The following FRMD4B variants were observed in gnomAD, a reference collection of about 807,000 sequenced individuals.
The protein encoded by FRMD4B is FERM domain containing 4B.
In FRMD4B, 74 loss-of-function variants were observed where a neutral mutation model predicts 141.5. That is an observed-to-expected ratio of 0.52 (90% CI 0.43 to 0.63). The LOEUF (loss-of-function observed/expected upper bound fraction) is 0.63. Among genes scored for constraint, FRMD4B ranks in the 30% least tolerant of loss-of-function variants. The pLI is 0.00. For missense variants in FRMD4B, 1,366 were observed against 1,253.4 expected (o/e 1.09, Z -1.36); for synonymous variants, 506 against 467.9 (o/e 1.08, Z -1.05).
chr3:69,487,546 G>T (rs1200815263), intron 1 of FRMD4B, among the ~76,000 whole-genome samples: 1 of 152,180 alleles, frequency 6.6e-6, no homozygotes, highest in African/African-American at 2.4e-5. Context: ...GAGGCAGGAG[G>T]AATGGAAAGC....
chr3:69,272,436 A>G (rs1314138657), intron 5 of FRMD4B, among the ~76,000 whole-genome samples: 1 of 152,260 alleles, frequency 6.6e-6, no homozygotes, highest in Non-Finnish European at 1.5e-5. Flanking sequence ...CTGGGATTAC[A>G]GGCATAAGCC....
chr3:69,428,784 C>T (rs901627840), intron 2 of FRMD4B, among the ~76,000 whole-genome samples: 54 of 152,212 alleles, frequency 3.5e-4, no homozygotes, highest in African/African-American at 1.2e-3. Context: ...TCACTCTCAT[C>T]CTTCTCTAGA....
chr3:69,201,188 C>T (rs866639487), intron 11 of FRMD4B, among the ~76,000 whole-genome samples: 56 of 151,818 alleles, frequency 3.7e-4, no homozygotes, highest in African/African-American at 1.2e-3. Flanking sequence ...AAAGTTTGTG[C>T]AAAGTATGAT....
chr3:69,282,579 T>C (rs752173500), intron 5 of FRMD4B, among the ~76,000 whole-genome samples: 2 of 152,256 alleles, frequency 1.3e-5, no homozygotes, highest in Non-Finnish European at 2.9e-5. Context: ...AAAGCTGCTT[T>C]ATCCAAACAG....
chr3:69,328,223 G>T (rs1296691544), intron 1 of FRMD4B, among the ~76,000 whole-genome samples: 1 of 152,072 alleles, frequency 6.6e-6, no homozygotes, highest in African/African-American at 2.4e-5. Context: ...AAAAGCAAAG[G>T]TAATAAAACT....
At chr3:69,505,804 G>A (rs1321473856) in intron 1 of FRMD4B, among the ~76,000 whole-genome samples, 1 of 152,126 alleles carries the variant, frequency 6.6e-6, no homozygotes, top group Admixed American at 6.5e-5. Context: ...TCTTGGGGTG[G>A]CCTCCTGGGT....
chr3:69,256,298 G>C (rs950095071), intron 5 of FRMD4B, among the ~76,000 whole-genome samples: 1 of 152,146 alleles, frequency 6.6e-6, no homozygotes, highest in Non-Finnish European at 1.5e-5. Flanking sequence ...GGAATATGCT[G>C]GGTCAGACAA....
intron 1 of FRMD4B, among the ~76,000 whole-genome samples, chr3:69,346,896 A>G (rs1268337438): frequency 1.3e-5 from 2 of 152,238 alleles, no homozygotes; most frequent in African/African-American, 4.8e-5. Flanking sequence ...TGTAAAGACC[A>G]TCGAGGCTAG....
At chr3:69,252,274 A>G (rs558254143) in intron 5 of FRMD4B, among the ~76,000 whole-genome samples, 1 of 152,352 alleles carries the variant, frequency 6.6e-6, no homozygotes, top group South Asian at 2.1e-4. Flanking sequence ...TGAGGAACTG[A>G]GCAAGACAAG....
chr3:69,273,240 C>A (rs774564867), intron 5 of FRMD4B, among the ~76,000 whole-genome samples: 1 of 152,140 alleles, frequency 6.6e-6, no homozygotes, highest in Non-Finnish European at 1.5e-5. Context: ...TGGAGGCAAT[C>A]AAAATTTGAT....
At chr3:69,497,306 G>C (rs961672825) in intron 1 of FRMD4B, among the ~76,000 whole-genome samples, 1 of 152,158 alleles carries the variant, frequency 6.6e-6, no homozygotes, top group Admixed American at 6.5e-5. Context: ...GCATAACCTA[G>C]TAAAAGCTGA....
chr3:69,465,493 G>A (rs897848674), intron 1 of FRMD4B, among the ~76,000 whole-genome samples: 1 of 151,866 alleles, frequency 6.6e-6, no homozygotes, highest in Admixed American at 6.6e-5. Flanking sequence ...TGAACCCATC[G>A]ACTCATCATT....
intron 4 of FRMD4B, among the ~76,000 whole-genome samples, chr3:69,297,236 G>A (rs1469949769): frequency 6.6e-6 from 1 of 152,184 alleles, no homozygotes; most frequent in Admixed American, 6.5e-5. Flanking sequence ...ACCAGGCCAG[G>A]AGCGATGAGA....
At chr3:69,523,821 T>G (rs543432659) in intron 1 of FRMD4B, among the ~76,000 whole-genome samples, 1 of 152,290 alleles carries the variant, frequency 6.6e-6, no homozygotes, top group South Asian at 2.1e-4. Context: ...GAAAAAATGC[T>G]GACAATGAAG....
intron 1 of FRMD4B, among the ~76,000 whole-genome samples, chr3:69,350,230 T>A (rs189150160): frequency 6.6e-6 from 1 of 152,126 alleles, no homozygotes; most frequent in Non-Finnish European, 1.5e-5. Context: ...AAAATGCTCA[T>A]CATCACTGGC....
chr3:69,359,592 C>T (rs753789546), intron 1 of FRMD4B, among the ~76,000 whole-genome samples: 4 of 152,064 alleles, frequency 2.6e-5, no homozygotes, highest in Non-Finnish European at 5.9e-5. Context: ...ACTCATATTC[C>T]CCTCTAGACA....
chr3:69,176,890 T>C (rs910447660), intron 21 of FRMD4B, among the ~76,000 whole-genome samples: 1 of 152,110 alleles, frequency 6.6e-6, no homozygotes, highest in African/African-American at 2.4e-5. Flanking sequence ...ATAATAATAT[T>C]AATATATTCT....
At chr3:69,408,469 G>A (rs914828875) in intron 2 of FRMD4B, among the ~76,000 whole-genome samples, 11 of 152,130 alleles carry the variant, frequency 7.2e-5, no homozygotes, top group Non-Finnish European at 1.0e-4. Context: ...AAGTAAAGCC[G>A]TCTCCACAGA....
At chr3:69,355,517 G>C (rs577333691) in intron 1 of FRMD4B, among the ~76,000 whole-genome samples, 15 of 152,150 alleles carry the variant, frequency 9.9e-5, no homozygotes, top group Non-Finnish European at 2.1e-4. Context: ...GGACATTTCT[G>C]ATTGTATGGT....
Sources: allele counts gnomAD v4.1 joint callset (sites outside exome capture counted in the v4.1 genomes callset), GRCh38; gene constraint gnomAD v4.1.1; transcripts MANE v1.5; gene names NCBI Gene and HGNC (gene_info 2026-07-23, HGNC 2026-07-21).